The following THADA variants were observed in gnomAD, a reference collection of about 807,000 sequenced individuals.
THADA encodes the protein tRNA (32-2'-O)-methyltransferase regulator THADA.
A neutral mutation model predicts 219.8 loss-of-function variants in THADA; 213 were observed. That is an observed-to-expected ratio of 0.97 (90% CI 0.87 to 1.09). THADA has a LOEUF of 1.09. Ranked by LOEUF, THADA falls within the 50% of genes least tolerant of loss-of-function variation. THADA has a pLI of 0.00. For synonymous variants in THADA, 1,018 were observed against 828.9 expected, an observed-to-expected ratio of 1.23 and a Z score of -3.92; for missense variants, 2,956 against 2,311.3, an observed-to-expected ratio of 1.28 and a Z score of -5.72.
intron 31 of THADA, among the ~76,000 whole-genome samples, chr2:43,315,737 G>C (rs562797827): frequency 3.3e-5 from 5 of 152,340 alleles, no homozygotes; most frequent in Non-Finnish European, 7.3e-5. Context: ...AAAGTGCTGG[G>C]ATTATAGGCG....
At chr2:43,501,422 T>C (rs1361869685) in intron 24 of THADA, among the ~76,000 whole-genome samples, 1 of 149,780 alleles carries the variant, frequency 6.7e-6, no homozygotes, top group Non-Finnish European at 1.5e-5. Flanking sequence ...GCCATGCTCA[T>C]GGAAGATTCA....
At chr2:43,459,879 G>T (rs558955240) in intron 26 of THADA, among the ~76,000 whole-genome samples, 1 of 152,140 alleles carries the variant, frequency 6.6e-6, no homozygotes, top group Non-Finnish European at 1.5e-5. Context: ...AAACAAGTTT[G>T]CAAAAGTAGA....
chr2:43,575,640 G>A (rs577383567), intron 10 of THADA, among the ~76,000 whole-genome samples: 15 of 152,252 alleles, frequency 9.9e-5, no homozygotes, highest in Admixed American at 6.5e-4. Flanking sequence ...AGGTTCAAGC[G>A]ATTCTCCTGC....
intron 31 of THADA, among the ~76,000 whole-genome samples, chr2:43,312,918 ATTG>A (rs1453498400): frequency 6.6e-6 from 1 of 152,204 alleles, no homozygotes; most frequent in Non-Finnish European, 1.5e-5. Flanking sequence ...ACAGATAAGA[ATTG>A]TTTTCAATTT....
Position 43,592,359 on chromosome 2 carries a change from C to T in THADA, c.34G>A (p.Ala12Thr). 1 of 1,608,406 alleles carries T rather than the reference C, an allele frequency of 6.2e-7. No homozygotes were observed. The highest frequency in any genetic ancestry group is 8.5e-7 in the Non-Finnish European group (1 of 1,177,372). ...GVKKKKEMQVAALTICHQDLE... is the reference protein window; with the variant it reads ...GVKKKKEMQVTALTICHQDLE... ...TCCTGATGGCAAATGGTCAGCGCAGCAACTTGCATTTCTTTCTTCTTCTTT... is the reference window on the plus strand; with the variant it reads ...TCCTGATGGCAAATGGTCAGCGCAGTAACTTGCATTTCTTTCTTCTTCTTT... Residue 12 changes from alanine (A) to threonine (T), a missense_variant, in exon 2 of 38, where the codon GCT becomes ACT. Ala to Thr is a moderately conservative substitution (Grantham distance 58, BLOSUM62 0). Transcript: ENST00000405975.
chr2:43,382,638 A>G (rs1054723980), intron 29 of THADA, among the ~76,000 whole-genome samples: 1 of 152,244 alleles, frequency 6.6e-6, no homozygotes, highest in African/African-American at 2.4e-5. Context: ...GATAAAAGGA[A>G]CAATTCTCCT....
intron 26 of THADA, among the ~76,000 whole-genome samples, chr2:43,473,434 A>G (rs1685149464): frequency 6.6e-6 from 1 of 152,100 alleles, no homozygotes; most frequent in Non-Finnish European, 1.5e-5. Flanking sequence ...TATGAGAACG[A>G]CACCCTCTTC....
chr2:43,262,064 C>G (rs775345145), intron 36 of THADA, among the ~76,000 whole-genome samples: 1 of 152,184 alleles, frequency 6.6e-6, no homozygotes, highest in Non-Finnish European at 1.5e-5. Flanking sequence ...TTATTTTCAA[C>G]CATTCCTTGT....
At chr2:43,381,583 CT>C (rs758714440) in intron 29 of THADA, among the ~76,000 whole-genome samples, 325 of 141,134 alleles carry the variant, frequency 2.3e-3, no homozygotes, top group Admixed American at 2.8e-3. Context: ...AGTGATAAGT[CT>C]TTTTTTTTTT....
At chr2:43,570,274 A>G in intron 14 of THADA, 114 bp downstream of exon 14, 1 of 1,129,924 alleles carries the variant, frequency 8.9e-7, no homozygotes, top group Non-Finnish European at 1.2e-6. Flanking sequence ...CTTGAAGGAA[A>G]AAAACACAGA....
intron 29 of THADA, among the ~76,000 whole-genome samples, chr2:43,396,986 A>G (rs569309119): frequency 6.6e-6 from 1 of 152,268 alleles, no homozygotes; most frequent in East Asian, 1.9e-4. Flanking sequence ...GCACTATTCT[A>G]AGCATGTTGT....
At chr2:43,566,890 C>T in intron 14 of THADA, 69 bp from the exon 15 acceptor site, 3 of 1,162,046 alleles carry the variant, frequency 2.6e-6, no homozygotes, top group South Asian at 2.1e-5. Flanking sequence ...GAGTATTAAA[C>T]ACCCTTTAAG....
At chr2:43,353,584 A>C (rs971889251) in intron 29 of THADA, among the ~76,000 whole-genome samples, 1 of 152,204 alleles carries the variant, frequency 6.6e-6, no homozygotes, top group Non-Finnish European at 1.5e-5. Context: ...TAAATCTTAG[A>C]TAATAACCCC....
chr2:43,273,840 T>C (rs1672414629), intron 36 of THADA, among the ~76,000 whole-genome samples: 1 of 152,130 alleles, frequency 6.6e-6, no homozygotes, highest in Non-Finnish European at 1.5e-5. Context: ...ATGAGAAGTG[T>C]TCATCCTTTC....
chr2:43,555,641 T>G (rs1037335783), intron 17 of THADA, among the ~76,000 whole-genome samples: 18 of 152,148 alleles, frequency 1.2e-4, no homozygotes, highest in African/African-American at 4.1e-4. Context: ...TATCTCCAGA[T>G]CTCTGGCCAT....
chr2:43,271,473 A>C (rs959649008), intron 36 of THADA, among the ~76,000 whole-genome samples: 3 of 152,224 alleles, frequency 2.0e-5, no homozygotes, highest in Non-Finnish European at 4.4e-5. Context: ...TACTGGGTTT[A>C]ACTACTTTGA....
chr2:43,501,681 C>T (rs549056933), intron 24 of THADA, among the ~76,000 whole-genome samples: 12 of 152,118 alleles, frequency 7.9e-5, no homozygotes, highest in Admixed American at 5.2e-4. Context: ...TGGTGGCTCA[C>T]GCCTGTAATC....
rs571615023 is a variant in THADA at position 43,274,577 on chromosome 2, A to T, written c.5296+5188T>A. ...ATAGCAAAGGCTCTGTGATGATACA[A>T]TAACCAAATGCTGCAGCGGCTCAGG... On this transcript the variant is annotated intron_variant, in intron 36 of 37. Transcript: ENST00000405975. Among the ~76,000 whole-genome samples the T allele has an allele frequency of 1.1e-4, 16 of 152,330 alleles. No individual in the cohort carries two copies. In the East Asian group the frequency reaches 1.9e-3, roughly 18 times the overall value.
intron 30 of THADA, among the ~76,000 whole-genome samples, chr2:43,325,869 C>CT (rs1679264491): frequency 1.3e-5 from 2 of 152,108 alleles, no homozygotes; most frequent in South Asian, 4.1e-4. Flanking sequence ...ACTGGTCTAG[C>CT]TTTTTTCTTT....
Sources: gnomAD v4.1 joint callset for allele counts (sites outside exome capture counted in the v4.1 genomes callset) on GRCh38, gnomAD v4.1.1 for gene constraint, MANE v1.5 for transcripts, NCBI Gene and HGNC (gene_info 2026-07-23, HGNC 2026-07-21) for gene names.